Variants in SRSF6 observed in about 807,000 individuals in gnomAD.
The protein encoded by SRSF6 is serine and arginine rich splicing factor 6.
SRSF6 carries 17 observed loss-of-function variants against 42.0 expected under a neutral mutation model. That is an observed-to-expected ratio of 0.40 (90% confidence interval 0.28 to 0.61). SRSF6 has a LOEUF of 0.61. SRSF6 is among the 20% of genes least tolerant of loss of function. The probability of loss-of-function intolerance (pLI) is 0.37; values close to 1 mark genes in which losing one functional copy is unlikely to be tolerated. For missense variants in SRSF6, 379 were observed against 471.4 expected (o/e 0.80, Z 1.81); for synonymous variants, 204 against 166.7 (o/e 1.22, Z -1.72).
rs1044505835 is a variant in SRSF6 at position 43,458,460 on chromosome 20, C to T, written c.207C>T (p.His69=). 19 of 1,521,738 alleles carry T rather than the reference C, an allele frequency of 1.2e-5. No individual in the cohort carries two copies. The highest frequency in any genetic ancestry group is 4.3e-5 in the African/African-American group (3 of 68,996). The allele number at this position is 1,521,738 out of a possible 1,614,324, so 94.3% of individuals were successfully genotyped here. ...ELCGERVIVE[H]ARGPRRDRDG... Reference sequence around the variant, plus strand: ...GCGGCGAGCGCGTGATCGTAGAGCACGCCCGGGGCCCGCGTCGCGATCGCG... The same window carrying T: ...GCGGCGAGCGCGTGATCGTAGAGCATGCCCGGGGCCCGCGTCGCGATCGCG... Residue 69 remains histidine, a synonymous_variant, in exon 2 of 6, where the codon CAC becomes CAT. Transcript: ENST00000244020.
chr20:43,462,646 C>G lies in SRSF6; in HGVS notation c.*1583C>G, dbSNP rs1011779343. The G allele has an allele frequency of 4.6e-5, 7 of 152,028 alleles. No homozygotes were observed. The highest frequency in any genetic ancestry group is 7.2e-5 in the African/African-American group (3 of 41,398). 9.4% of individuals were successfully genotyped at this position (152,028 alleles called of 1,614,324 possible). On this transcript the variant is annotated 3_prime_UTR_variant, in exon 6 of 6. Transcript: ENST00000244020. ...ATAAGATTGAGTGAAAAATTTGAGT[C>G]AAATATCTAGGGCATTCACAGAGTA...
intron 3 of SRSF6, 25 bp downstream of exon 3, chr20:43,459,920 A>G (rs2017556122): frequency 1.3e-6 from 2 of 1,599,994 alleles, no homozygotes; most frequent in Non-Finnish European, 8.5e-7. Context: ...TCAAGATAGA[A>G]ATGATATGAC....
In SRSF6 at chr20:43,462,091, T is replaced by G. The variant is rs1225676271; in HGVS notation, c.*1028T>G. The G allele has an allele frequency of 6.6e-6, 1 of 152,254 alleles. No homozygotes were observed. Among genetic ancestry groups the G allele is most frequent in the Non-Finnish European group, 1.5e-5 (1 of 68,040 alleles). 9.4% of individuals were successfully genotyped at this position (152,254 alleles called of 1,614,324 possible). A position where few individuals can be genotyped will look rare whatever the true frequency, so the allele number is the denominator to read the frequency against. ...AATCTCAGTAAAGTCAGTTGCCAGT[T>G]AAGTTCCACCCAGTAGTCAGTCCCC... On this transcript the variant is annotated 3_prime_UTR_variant, in exon 6 of 6. Transcript: ENST00000244020.
chr20:43,459,069 T>C, intron 2 of SRSF6: 12 of 1,258,060 alleles, frequency 9.5e-6, no homozygotes, highest in Non-Finnish European at 1.3e-5. Context: ...GGGGGATTTT[T>C]GGTTATGTTA....
At chr20:43,458,797 G>A (rs1343802821) in intron 2 of SRSF6, among the ~76,000 whole-genome samples, 1 of 151,652 alleles carries the variant, frequency 6.6e-6, no homozygotes, top group Non-Finnish European at 1.5e-5. Context: ...AGTAAGGGGT[G>A]GCTGTATTTG....
Position 43,461,334 on chromosome 20 carries a change from G to GTT in SRSF6, c.*272_*273dup, listed in dbSNP as rs1196378267. On this transcript the variant is annotated 3_prime_UTR_variant, in exon 6 of 6. Coordinates refer to ENST00000244020, the MANE Select transcript of SRSF6 (RefSeq NM_006275.6). ...TTTGTAAAGATTAAGCTCATTTAGTGTTGTTTTTTTTTTTTTTTTTTTTTT... is the reference window on the plus strand; with the variant it reads ...TTTGTAAAGATTAAGCTCATTTAGTGTTTTGTTTTTTTTTTTTTTTTTTTTTT... 18 of 56,470 alleles carry GTT rather than the reference G, an allele frequency of 3.2e-4. 3 individuals carry two copies. The highest frequency in any genetic ancestry group is 8.1e-4 in the African/African-American group (11 of 13,570). The allele number at this position is 56,470 out of a possible 1,614,324, so 3.5% of individuals were successfully genotyped here.
Position 43,461,337 on chromosome 20 carries a change from G to GTTTTTTTTGTTTTT in SRSF6, c.*282_*283insGTTTTTTTTTTTTT, listed in dbSNP as rs2017590018. The GTTTTTTTTGTTTTT allele has an allele frequency of 2.3e-5, 1 of 43,768 alleles. No homozygotes were observed. Among genetic ancestry groups the GTTTTTTTTGTTTTT allele is most frequent in the African/African-American group, 8.2e-5 (1 of 12,192 alleles). The allele number at this position is 43,768 out of a possible 1,614,324, so 2.7% of individuals were successfully genotyped here. A position where few individuals can be genotyped will look rare whatever the true frequency, so the allele number is the denominator to read the frequency against. On this transcript the variant is annotated 3_prime_UTR_variant, in exon 6 of 6. Coordinates refer to ENST00000244020, the MANE Select transcript of SRSF6 (RefSeq NM_006275.6). ...GTAAAGATTAAGCTCATTTAGTGTT[G>GTTTTTTTTGTTTTT]TTTTTTTTTTTTTTTTTTTTTTTTT... is the stretch of plus-strand genomic sequence containing the variant.
chr20:43,460,408 T>G, intron 4 of SRSF6, 107 bp from the exon 5 acceptor site: 1 of 1,256,140 alleles, frequency 8.0e-7, no homozygotes, highest in East Asian at 2.4e-5. Context: ...GTATTTAATT[T>G]CGTAGTAAAG....
At position 43,461,064 on chromosome 20, in the gene SRSF6, C is replaced by T; in HGVS notation, c.*1C>T. ...GTCCAGGTCGAGTTCCAGAGATTAA[C>T]TCAGAACTCCTTGTTTGCACATTAT... On this transcript the variant is annotated 3_prime_UTR_variant, in exon 6 of 6. Transcript: ENST00000244020. The T allele has an allele frequency of 6.4e-7, 1 of 1,558,696 alleles. No homozygotes were observed.
Position 43,457,931 on chromosome 20 carries a change from A to G in SRSF6, c.-103A>G. On this transcript the variant is annotated 5_prime_UTR_variant, in exon 1 of 6. Transcript: ENST00000244020. Reference sequence around the variant, plus strand: ...TGGACTCGGCCGCCCCTGTGGTGTGAGGCGCGTGTTCGGGCTCTTGCCGTC... The same window carrying G: ...TGGACTCGGCCGCCCCTGTGGTGTGGGGCGCGTGTTCGGGCTCTTGCCGTC... 1 of 949,884 alleles carries G rather than the reference A, an allele frequency of 1.1e-6. No homozygotes were observed. The highest frequency in any genetic ancestry group is 1.6e-6 in the Non-Finnish European group (1 of 615,668). The allele number at this position is 949,884 out of a possible 1,614,324, so 58.8% of individuals were successfully genotyped here.
rs776366422 is a variant in SRSF6 at position 43,457,921 on chromosome 20, C to T, written c.-113C>T. 88 of 874,416 alleles carry T rather than the reference C, an allele frequency of 1.0e-4. No homozygotes were observed. Among genetic ancestry groups the T allele is most frequent in the Non-Finnish European group, 1.5e-4 (82 of 553,828 alleles). 54.2% of individuals were successfully genotyped at this position (874,416 alleles called of 1,614,324 possible). ...ATTGTGTGGCTGGACTCGGCCGCCCCTGTGGTGTGAGGCGCGTGTTCGGGC... is the reference window on the plus strand; with the variant it reads ...ATTGTGTGGCTGGACTCGGCCGCCCTTGTGGTGTGAGGCGCGTGTTCGGGC... On this transcript the variant is annotated 5_prime_UTR_variant, in exon 1 of 6. Coordinates refer to ENST00000244020, the MANE Select transcript of SRSF6 (RefSeq NM_006275.6).
rs2017593984 is a variant in SRSF6 at position 43,461,354 on chromosome 20, T to TG, written c.*291_*292insG. On this transcript the variant is annotated 3_prime_UTR_variant, in exon 6 of 6. Transcript: ENST00000244020. ...TTAGTGTTGTTTTTTTTTTTTTTTT[T>TG]TTTTTTTTTTTTTTTTTTTTAGTAT... 8.2e-6 allele frequency: 2 copies of TG among 243,162 alleles called. No homozygotes were observed. The highest frequency in any genetic ancestry group is 2.6e-5 in the African/African-American group (1 of 38,398). 15.1% of individuals were successfully genotyped at this position (243,162 alleles called of 1,614,324 possible). A position where few individuals can be genotyped will look rare whatever the true frequency, so the allele number is the denominator to read the frequency against.
chr20:43,461,107 CTTAGGCAGTTACTCTTCCATG>C lies in SRSF6; in HGVS notation c.*47_*67del. 1 of 1,511,540 alleles carries C rather than the reference CTTAGGCAGTTACTCTTCCATG, an allele frequency of 6.6e-7. No individual in the cohort carries two copies. Among genetic ancestry groups the C allele is most frequent in the South Asian group, 1.4e-5 (1 of 73,902 alleles). The allele number at this position is 1,511,540 out of a possible 1,614,324, so 93.6% of individuals were successfully genotyped here. On this transcript the variant is annotated 3_prime_UTR_variant, in exon 6 of 6. Coordinates refer to ENST00000244020, the MANE Select transcript of SRSF6 (RefSeq NM_006275.6). ...CACATTATTATGGAACACTTTCCTA[CTTAGGCAGTTACTCTTCCATG>C]TTTATACTTGGCCTCTTCTGCAAGA...
chr20:43,460,686 G>C lies in SRSF6; in HGVS notation c.675-17G>C, dbSNP rs372990269. The C allele has an allele frequency of 1.2e-6, 2 of 1,612,006 alleles. No homozygotes were observed. Among genetic ancestry groups the C allele is most frequent in the Admixed American group, 3.3e-5 (2 of 59,930 alleles). ...ATTCTCACTAAGTATTGAGAAAATC[G>C]GTCTTTCCTTGTCCAGTTCCAGGTC... On this transcript the variant is annotated splice_polypyrimidine_tract_variant and intron_variant, in intron 5 of 5. Transcript: ENST00000244020.
At chr20:43,459,241 T>A (rs761405921) in intron 2 of SRSF6, 1 of 1,352,172 alleles carries the variant, frequency 7.4e-7, no homozygotes, top group Non-Finnish European at 9.8e-7. Flanking sequence ...TGTGTGACCC[T>A]TGCCCTATGA....
At position 43,461,808 on chromosome 20, in the gene SRSF6, C is replaced by T. The variant is rs780871197; in HGVS notation, c.*745C>T. ...TTCCATGATTTTGCTTAAATTAATA[C>T]TTTTAAGTAATGGAACTTTTTTCAA... On this transcript the variant is annotated 3_prime_UTR_variant, in exon 6 of 6. Coordinates refer to ENST00000244020, the MANE Select transcript of SRSF6 (RefSeq NM_006275.6). 2 of 152,464 alleles carry T rather than the reference C, an allele frequency of 1.3e-5. No individual in the cohort carries two copies. Among genetic ancestry groups the T allele is most frequent in the Non-Finnish European group, 2.9e-5 (2 of 68,006 alleles). 9.4% of individuals were successfully genotyped at this position (152,464 alleles called of 1,614,324 possible). A position where few individuals can be genotyped will look rare whatever the true frequency, so the allele number is the denominator to read the frequency against.
chr20:43,461,223 C>G lies in SRSF6; in HGVS notation c.*160C>G. ...CAAATTGGATGAAAAAGATGAGGCTCTAAGGAAATGGTGGCATGAAGACCC... is the reference window on the plus strand; with the variant it reads ...CAAATTGGATGAAAAAGATGAGGCTGTAAGGAAATGGTGGCATGAAGACCC... On this transcript the variant is annotated 3_prime_UTR_variant, in exon 6 of 6. Coordinates refer to ENST00000244020, the MANE Select transcript of SRSF6 (RefSeq NM_006275.6). 9.7e-7 allele frequency: 1 copy of G among 1,035,596 alleles called. No individual in the cohort carries two copies. The highest frequency in any genetic ancestry group is 1.7e-5 in the African/African-American group (1 of 60,210). The allele number at this position is 1,035,596 out of a possible 1,614,324, so 64.2% of individuals were successfully genotyped here.
chr20:43,458,627 C>A, intron 2 of SRSF6, 118 bp downstream of exon 2: 1 of 1,057,544 alleles, frequency 9.5e-7, no homozygotes, highest in Non-Finnish European at 1.3e-6. Context: ...CTTGGGTGTC[C>A]CCGAGCCCCG....
In SRSF6 at chr20:43,462,396, A is replaced by G. The variant is rs1308477940; in HGVS notation, c.*1333A>G. 6.6e-6 allele frequency: 1 copy of G among 152,204 alleles called. No individual in the cohort carries two copies. Among genetic ancestry groups the G allele is most frequent in the East Asian group, 1.9e-4 (1 of 5,204 alleles). The allele number at this position is 152,204 out of a possible 1,614,324, so 9.4% of individuals were successfully genotyped here. A position where few individuals can be genotyped will look rare whatever the true frequency, so the allele number is the denominator to read the frequency against. ...TACATCCCTTTGTTCAGATACCTTA[A>G]AAGTTACTTTATTTAAAAGCATTTA... On this transcript the variant is annotated 3_prime_UTR_variant, in exon 6 of 6. Transcript: ENST00000244020.
Sources: gnomAD v4.1 joint callset for allele counts (sites outside exome capture counted in the v4.1 genomes callset) on GRCh38, gnomAD v4.1.1 for gene constraint, MANE v1.5 for transcripts, NCBI Gene and HGNC (gene_info 2026-07-23, HGNC 2026-07-21) for gene names.